Variants in CPXM2 observed in about 807,000 individuals in gnomAD.
CPXM2 encodes the protein carboxypeptidase X, M14 family member 2, also known as inactive carboxypeptidase-like protein X2.
CPXM2 carries 66 observed loss-of-function variants against 86.1 expected under a neutral mutation model. The ratio of observed to expected loss-of-function variants is 0.77; its 90% confidence interval spans 0.63 to 0.94. CPXM2 has a LOEUF of 0.94. Among genes scored for constraint, CPXM2 ranks in the 40% least tolerant of loss-of-function variants. The pLI, the probability that CPXM2 is intolerant of heterozygous loss-of-function variation, is 0.00. For missense variants in CPXM2, 948 were observed against 1,026.3 expected, an observed-to-expected ratio of 0.92 and a Z score of 1.04; for synonymous variants, 388 against 400.2, an observed-to-expected ratio of 0.97 and a Z score of 0.36.
Position 123,862,669 on chromosome 10 carries a change from GC to G in CPXM2, c.457del (p.Ala153ProfsTer4). On this transcript the variant is annotated frameshift_variant, in exon 3 of 14. Coordinates refer to ENST00000241305, the MANE Select transcript of CPXM2 (RefSeq NM_198148.3). LOFTEE classifies it high-confidence loss of function. ...TLKITDFQLHASTVKRYGLGA... is the reference protein window; with the variant it reads ...TLKITDFQLHXSTVKRYGLGA... ...CAGGCCATAGCGCTTCACCGTGGAG[GC>G]ATGGAGCTGGAAGTCTGTGATTTTT... 1 of 1,614,196 alleles carries G rather than the reference GC, an allele frequency of 6.2e-7. No homozygotes were observed. Among genetic ancestry groups the G allele is most frequent in the Non-Finnish European group, 8.5e-7 (1 of 1,180,036 alleles).
chr10:123,835,982 C>A (rs1384052611), intron 4 of CPXM2, among the ~76,000 whole-genome samples: 1 of 152,144 alleles, frequency 6.6e-6, no homozygotes, highest in Non-Finnish European at 1.5e-5. Context: ...CTCCCCGACG[C>A]CCTGGACCAA....
chr10:123,906,491 AATC>A (rs1945442417), intron 2 of CPXM2, among the ~76,000 whole-genome samples: 1 of 152,120 alleles, frequency 6.6e-6, no homozygotes, highest in African/African-American at 2.4e-5. Flanking sequence ...CCTTGCTATA[AATC>A]ATGTCAGCTT....
intron 4 of CPXM2, among the ~76,000 whole-genome samples, chr10:123,841,646 G>A (rs567910226): frequency 6.6e-6 from 1 of 152,336 alleles, no homozygotes; most frequent in East Asian, 1.9e-4. Context: ...TCAGCAGAAT[G>A]TCCCCAAGCT....
chr10:123,853,935 C>A (rs1848652574), intron 3 of CPXM2, among the ~76,000 whole-genome samples: 1 of 152,002 alleles, frequency 6.6e-6, no homozygotes, highest in South Asian at 2.1e-4. Context: ...AAAGAATCTG[C>A]TGTTATTCTT....
intron 4 of CPXM2, among the ~76,000 whole-genome samples, chr10:123,829,054 A>T (rs763744947): frequency 7.2e-5 from 11 of 152,254 alleles, no homozygotes; most frequent in Non-Finnish European, 1.2e-4. Context: ...TAGAACATGG[A>T]CAAAAGACAG....
chr10:123,816,775 A>G (rs1228750872), intron 4 of CPXM2, among the ~76,000 whole-genome samples: 1 of 152,248 alleles, frequency 6.6e-6, no homozygotes, highest in Non-Finnish European at 1.5e-5. Flanking sequence ...CATCAGGGGT[A>G]TATTAACTCT....
At chr10:123,864,535 ACTG>A (rs1390666720) in intron 2 of CPXM2, among the ~76,000 whole-genome samples, 4 of 152,184 alleles carry the variant, frequency 2.6e-5, no homozygotes, top group Admixed American at 2.0e-4. Context: ...AACCTATTTC[ACTG>A]CCGTGTTGAA....
Position 123,891,184 on chromosome 10 carries a change from G to A in CPXM2, c.304+172C>T, listed in dbSNP as rs1945261141. Among the ~76,000 whole-genome samples the A allele has an allele frequency of 6.6e-6, 1 of 152,240 alleles. No individual in the cohort carries two copies. The highest frequency in any genetic ancestry group is 1.5e-5 in the Non-Finnish European group (1 of 68,040). On this transcript the variant is annotated intron_variant, in intron 1 of 13. Transcript: ENST00000241305. This position sits in a 1 kb window ranked among gnomAD's most constrained non-coding sequence, Gnocchi z 5.6. ...GGTCAAGGACAAGTTCTGGGAAGCT[G>A]GGCGGGCCGGCAGGAAGCGCAGATA...
At chr10:123,804,754 G>A (rs1433786413) in intron 4 of CPXM2, among the ~76,000 whole-genome samples, 2 of 152,204 alleles carry the variant, frequency 1.3e-5, no homozygotes, top group East Asian at 3.8e-4. Context: ...TGACATCCCA[G>A]CCTCATTCGT....
At chr10:123,796,468 C>T (rs542304568) in intron 6 of CPXM2, among the ~76,000 whole-genome samples, 3 of 152,204 alleles carry the variant, frequency 2.0e-5, no homozygotes, top group East Asian at 3.9e-4. Flanking sequence ...AAAACTTGCA[C>T]AATCGAATAA....
intron 4 of CPXM2, among the ~76,000 whole-genome samples, chr10:123,799,837 C>T (rs1338619068): frequency 6.6e-6 from 1 of 152,082 alleles, no homozygotes; most frequent in African/African-American, 2.4e-5. Flanking sequence ...GTAAATTAGC[C>T]ATAATTTGAC....
intron 2 of CPXM2, among the ~76,000 whole-genome samples, chr10:123,875,803 CTTTCTT>C (rs1564808660): frequency 1.1e-5 from 1 of 94,510 alleles, no homozygotes; most frequent in African/African-American, 3.5e-5. Context: ...TCTTTCTTTT[CTTTCTT>C]TTTTTTTTTT....
chr10:123,854,365 TATATATATA>T (rs1263482745), intron 3 of CPXM2, among the ~76,000 whole-genome samples: 49 of 77,938 alleles, frequency 6.3e-4, no homozygotes, highest in African/African-American at 3.5e-3. Context: ...TATAAAAATA[TATATATATA>T]ATATATATAT....
chr10:123,863,118 G>GA (rs1204426030), intron 2 of CPXM2, among the ~76,000 whole-genome samples: 18 of 152,012 alleles, frequency 1.2e-4, no homozygotes, highest in East Asian at 1.9e-4. Context: ...AATATAAGCA[G>GA]AAAAAAAACC....
chr10:123,895,529 C>G (rs532557575), upstream of CPXM2, among the ~76,000 whole-genome samples: 54 of 152,324 alleles, frequency 3.5e-4, 1 homozygote, highest in South Asian at 0.01. Context: ...ATAAGAAACA[C>G]AGAAAATTTC....
intron 4 of CPXM2, among the ~76,000 whole-genome samples, chr10:123,814,451 A>T (rs936340570): frequency 6.6e-6 from 1 of 152,154 alleles, no homozygotes; most frequent in African/African-American, 2.4e-5. Context: ...CAGACGGCCT[A>T]TTGTGGGACA....
intron 1 of CPXM2, among the ~76,000 whole-genome samples, chr10:123,886,746 C>A (rs1945183596): frequency 6.6e-6 from 1 of 152,186 alleles, no homozygotes; most frequent in Non-Finnish European, 1.5e-5. Context: ...TAAATAAAAT[C>A]TTCAAATCCC....
At chr10:123,837,827 G>A (rs944501625) in intron 4 of CPXM2, among the ~76,000 whole-genome samples, 9 of 152,098 alleles carry the variant, frequency 5.9e-5, no homozygotes, top group East Asian at 3.9e-4. Flanking sequence ...ATAAAACTGC[G>A]GTTGTAGAAC....
intron 4 of CPXM2, among the ~76,000 whole-genome samples, chr10:123,834,581 A>G (rs1349322534): frequency 6.6e-6 from 1 of 152,192 alleles, no homozygotes; most frequent in Non-Finnish European, 1.5e-5. Flanking sequence ...TGTTTGTGGA[A>G]CAAAAAGGAT....
Sources: gnomAD v4.1 joint callset for allele counts (sites outside exome capture counted in the v4.1 genomes callset) on GRCh38, gnomAD v4.1.1 for gene constraint, Gnocchi (gnomAD v3.1) non-coding constraint, MANE v1.5 for transcripts, NCBI Gene and HGNC (gene_info 2026-07-23, HGNC 2026-07-21) for gene names.